Variants in EYS observed in about 807,000 individuals in gnomAD.
EYS encodes EGF-like photoreceptor maintenance factor, also known as protein eyes shut homolog.
EYS carries 250 observed loss-of-function variants against 282.1 expected under a neutral mutation model. The observed-to-expected ratio is 0.89, with a 90% CI of 0.80 to 0.98. The LOEUF is 0.98. Ranked by LOEUF, EYS falls within the 50% of genes least tolerant of loss-of-function variation. EYS has a pLI of 0.00. For missense variants in EYS, 4,016 were observed against 3,709.0 expected (o/e 1.08, Z -2.15); for synonymous variants, 1,355 against 1,282.9 (o/e 1.06, Z -1.20).
chr6:63,810,304 A>AC (rs35022381), intron 36 of EYS, among the ~76,000 whole-genome samples: 5,429 of 107,400 alleles, frequency 0.051, 152 homozygotes, highest in Non-Finnish European at 0.069. Context: ...GACAAAAACA[A>AC]CCCCCCCCCC....
Position 63,720,810 on chromosome 6 carries a change from T to G in EYS, c.9221A>C (p.Lys3074Thr), listed in dbSNP as rs1768349838. The change falls in exon 43 of 43, where the codon AAA becomes ACA. Residue 3074 changes from lysine (K) to threonine (T), a missense_variant. Transcript: ENST00000503581. Reference sequence around the variant, plus strand: ...ATCATAGTTTAGAGCCACAAAGTTTTTATGTGGATCAATATCCTCGGAAAG... The same window carrying G: ...ATCATAGTTTAGAGCCACAAAGTTTGTATGTGGATCAATATCCTCGGAAAG... ...LILSEDIDPH[K>T]NFVALNYDGI... 6.4e-7 allele frequency: 1 copy of G among 1,551,058 alleles called. No homozygotes were observed. The highest frequency in any genetic ancestry group is 2.0e-5 in the Admixed American group (1 of 50,948).
intron 19 of EYS, among the ~76,000 whole-genome samples, chr6:64,853,485 C>A (rs1185632584): frequency 6.6e-6 from 1 of 152,108 alleles, no homozygotes; most frequent in Non-Finnish European, 1.5e-5. Context: ...AAATTTGCCT[C>A]AACCAATTGA....
intron 19 of EYS, among the ~76,000 whole-genome samples, chr6:64,859,276 G>T (rs890805554): frequency 3.4e-5 from 5 of 146,606 alleles, no homozygotes; most frequent in South Asian, 2.2e-4. Context: ...TTTATAAATA[G>T]ATTTATATTT....
intron 19 of EYS, among the ~76,000 whole-genome samples, chr6:64,870,772 A>C (rs553805276): frequency 8.6e-5 from 13 of 152,028 alleles, no homozygotes; most frequent in Admixed American, 5.9e-4. Flanking sequence ...CTGGAGCTGT[A>C]AACTACAATA....
intron 35 of EYS, among the ~76,000 whole-genome samples, chr6:63,927,510 AGATG>A (rs2149748164): frequency 6.6e-6 from 1 of 152,326 alleles, no homozygotes; most frequent in Non-Finnish European, 1.5e-5. Context: ...ACTCGAATTG[AGATG>A]GATGTTCCTT....
chr6:65,487,652 C>T (rs1218683568), intron 5 of EYS, among the ~76,000 whole-genome samples: 2 of 152,134 alleles, frequency 1.3e-5, no homozygotes, highest in Non-Finnish European at 2.9e-5. Context: ...TGTTTTGTCT[C>T]TGCCAGGCTT....
intron 5 of EYS, among the ~76,000 whole-genome samples, chr6:65,438,902 T>C (rs2150390359): frequency 6.6e-6 from 1 of 152,310 alleles, no homozygotes; most frequent in East Asian, 1.9e-4. Context: ...CCATTGCTTT[T>C]GGTGATTTAG....
intron 8 of EYS, among the ~76,000 whole-genome samples, chr6:65,369,573 CA>C: frequency 6.6e-6 from 1 of 151,140 alleles, no homozygotes; most frequent in African/African-American, 2.4e-5. Context: ...AAGTTGTATG[CA>C]TTTGATCTTT....
At chr6:65,126,184 C>T (rs1261046655) in intron 12 of EYS, among the ~76,000 whole-genome samples, 1 of 152,094 alleles carries the variant, frequency 6.6e-6, no homozygotes, top group African/African-American at 2.4e-5. Flanking sequence ...AACTTATTAA[C>T]TCTTTCATTT....
chr6:64,777,703 C>A (rs1773721638), intron 22 of EYS, among the ~76,000 whole-genome samples: 1 of 152,046 alleles, frequency 6.6e-6, no homozygotes, highest in Non-Finnish European at 1.5e-5. Flanking sequence ...TCCTTTGGTT[C>A]ATATATAAGG....
At chr6:65,517,341 C>CAA (rs71002314) in intron 2 of EYS, among the ~76,000 whole-genome samples, 23,947 of 144,920 alleles carry the variant, frequency 0.17, 2,218 homozygotes, top group African/African-American at 0.28. Context: ...AAAACAACAA[C>CAA]AAAAAAAAAA....
chr6:65,425,194 A>G (rs987522740), intron 5 of EYS, among the ~76,000 whole-genome samples: 1 of 152,100 alleles, frequency 6.6e-6, no homozygotes, highest in African/African-American at 2.4e-5. Context: ...TTGTATATGA[A>G]TAATGATGGT....
intron 1 of EYS, among the ~76,000 whole-genome samples, chr6:65,661,151 A>T (rs73455536): frequency 0.019 from 2,933 of 151,954 alleles, 98 homozygotes; most frequent in African/African-American, 0.066. Context: ...TTCCTTACCA[A>T]AGGAATGTTT....
intron 26 of EYS, among the ~76,000 whole-genome samples, chr6:64,468,509 G>T (rs186860819): frequency 6.6e-6 from 1 of 152,204 alleles, no homozygotes. Context: ...CCTTTTTAAA[G>T]CTTTTATTTT....
At chr6:64,560,642 T>C (rs1376932414) in intron 26 of EYS, among the ~76,000 whole-genome samples, 1 of 152,108 alleles carries the variant, frequency 6.6e-6, no homozygotes, top group Non-Finnish European at 1.5e-5. Context: ...AGGTACACAG[T>C]GTCCTACATA....
intron 5 of EYS, among the ~76,000 whole-genome samples, chr6:65,445,825 G>C (rs182847986): frequency 6.6e-6 from 1 of 151,722 alleles, no homozygotes; most frequent in Admixed American, 6.6e-5. Context: ...TAATATTTTA[G>C]AAACAAGTTA....
chr6:64,873,754 C>T (rs1766663451), intron 19 of EYS, among the ~76,000 whole-genome samples: 1 of 151,882 alleles, frequency 6.6e-6, no homozygotes, highest in African/African-American at 2.4e-5. Context: ...TTGACTGAAT[C>T]TTTCAACAAT....
intron 9 of EYS, among the ~76,000 whole-genome samples, chr6:65,344,997 A>T (rs553265234): frequency 8.6e-5 from 13 of 151,736 alleles, no homozygotes; most frequent in African/African-American, 2.9e-4. Flanking sequence ...ACAAATCTAA[A>T]CTCTAGGGAC....
chr6:64,666,583 G>C (rs1769236153), intron 22 of EYS, among the ~76,000 whole-genome samples: 4 of 152,104 alleles, frequency 2.6e-5, no homozygotes, highest in Admixed American at 6.5e-5. Context: ...AATGTCTGTT[G>C]TCTTCTTTTC....
Sources: allele counts gnomAD v4.1 joint callset (sites outside exome capture counted in the v4.1 genomes callset), GRCh38; gene constraint gnomAD v4.1.1; transcripts MANE v1.5; gene names NCBI Gene and HGNC (gene_info 2026-07-23, HGNC 2026-07-21).